NCOA3: variants seen among roughly 807,000 people sequenced by gnomAD.
The protein encoded by NCOA3 is CBP-interacting protein.
A neutral mutation model predicts 158.8 loss-of-function variants in NCOA3; 51 were observed. That is an observed-to-expected ratio of 0.32 (90% CI 0.26 to 0.41). The LOEUF is 0.41. NCOA3 is among the 10% of genes least tolerant of loss of function. The probability of loss-of-function intolerance (pLI) is 1.00; values close to 1 mark genes in which losing one functional copy is unlikely to be tolerated. For synonymous variants in NCOA3, 537 were observed against 592.4 expected (o/e 0.91, Z 1.36); for missense variants, 1,510 against 1,746.6 (o/e 0.86, Z 2.41).
chr20:47,607,377 T>G (rs2085964096), intron 2 of NCOA3, among the ~76,000 whole-genome samples: 1 of 152,188 alleles, frequency 6.6e-6, no homozygotes, highest in South Asian at 2.1e-4. Flanking sequence ...CACTAGAAAC[T>G]TACTAATGGA....
At chr20:47,596,688 C>A (rs935756622) in intron 2 of NCOA3, among the ~76,000 whole-genome samples, 2 of 152,112 alleles carry the variant, frequency 1.3e-5, no homozygotes, top group African/African-American at 4.8e-5. Flanking sequence ...CAGTCTCAAG[C>A]GATACTCCCA....
intron 1 of NCOA3, among the ~76,000 whole-genome samples, chr20:47,554,012 C>T (rs2084964004): frequency 6.6e-6 from 1 of 152,194 alleles, no homozygotes; most frequent in African/African-American, 2.4e-5. Context: ...TACAGTCCCA[C>T]CAACAGTGTA....
intron 1 of NCOA3, among the ~76,000 whole-genome samples, chr20:47,555,632 GTTTTTTTTTTT>G (rs74178745): frequency 7.8e-5 from 5 of 64,184 alleles, no homozygotes; most frequent in Admixed American, 2.2e-4. Context: ...CTATTAAAGT[GTTTTTTTTTTT>G]TTTTTTTTTT....
Position 47,637,768 on chromosome 20 carries a change from G to A in NCOA3, c.2497G>A (p.Gly833Arg), listed in dbSNP as rs1160224291. The A allele has an allele frequency of 1.3e-6, 2 of 1,599,488 alleles. No homozygotes were observed. The highest frequency in any genetic ancestry group is 2.3e-5 in the South Asian group (2 of 87,446). ...HLGTKQQVFQ[G>R]TNSLGLKSSQ... ...GGGGACTAAGCAACAGGTGTTTCAA[G>A]GAACTAATTCTCTGGGTAAGAATGA... The change falls in exon 13 of 23, where the codon GGA becomes AGA. Residue 833 changes from glycine to arginine, a missense_variant. By Grantham distance (125) the Gly-to-Arg change is moderately radical. This residue lies in a region of NCOA3 where 1,017 missense variants were observed against 1,098.3 expected (regional missense o/e 0.93). Coordinates refer to ENST00000371998, the MANE Select transcript of NCOA3 (RefSeq NM_181659.3).
chr20:47,525,765 AC>A (rs1198085572), intron 1 of NCOA3, among the ~76,000 whole-genome samples: 68 of 64,482 alleles, frequency 1.1e-3, no homozygotes, highest in Admixed American at 1.3e-3. Flanking sequence ...CGGGGGGCTG[AC>A]CCCCCCCACC....
At chr20:47,575,858 A>G (rs546722674) in intron 1 of NCOA3, among the ~76,000 whole-genome samples, 3 of 152,358 alleles carry the variant, frequency 2.0e-5, no homozygotes, top group South Asian at 4.1e-4. Context: ...CAGTTAATAC[A>G]GCGATTTCAC....
At position 47,595,299 on chromosome 20, in the gene NCOA3, T is replaced by C. The variant is rs572674924; in HGVS notation, c.-20+12038T>C. Among the ~76,000 whole-genome samples the C allele has an allele frequency of 2.7e-5, 4 of 150,770 alleles. No individual in the cohort carries two copies. The South Asian group carries it at 8.4e-4, about 32-fold the overall frequency. ...TTTTAGTAGAGATGGGGTTTCACCATGTTGGCCAGGCTGGTCTCAAACTTC... is the reference window on the plus strand; with the variant it reads ...TTTTAGTAGAGATGGGGTTTCACCACGTTGGCCAGGCTGGTCTCAAACTTC... On this transcript the variant is annotated intron_variant, in intron 2 of 22. Coordinates refer to ENST00000371998, the MANE Select transcript of NCOA3 (RefSeq NM_181659.3).
In NCOA3 at chr20:47,583,213, G is replaced by A; in HGVS notation, c.-68G>A. 2.5e-6 allele frequency: 1 copy of A among 398,648 alleles called. No individual in the cohort carries two copies. Among genetic ancestry groups the A allele is most frequent in the South Asian group, 1.3e-4 (1 of 7,854 alleles). 24.7% of individuals were successfully genotyped at this position (398,648 alleles called of 1,614,324 possible). ...AAATACTTGCTGGATGGTGGACTCA[G>A]AGACCAATAAAAATAAACTGCTTGA... On this transcript the variant is annotated 5_prime_UTR_variant, in exon 2 of 23. Coordinates refer to ENST00000371998, the MANE Select transcript of NCOA3 (RefSeq NM_181659.3).
chr20:47,635,870 T>A lies in NCOA3; in HGVS notation c.1505-21T>A, dbSNP rs748453687. 12 of 1,571,694 alleles carry A rather than the reference T, an allele frequency of 7.6e-6. No individual in the cohort carries two copies. In the South Asian group the frequency reaches 1.4e-4, roughly 19 times the overall value. Reference sequence around the variant, plus strand: ...GTGTCTGGTAGTCTAATTCTTTTCCTAAATTTTTTTTCAAATTCAGGTGTG... The same window carrying A: ...GTGTCTGGTAGTCTAATTCTTTTCCAAAATTTTTTTTCAAATTCAGGTGTG... On this transcript the variant is annotated intron_variant, in intron 11 of 22. Transcript: ENST00000371998.
intron 2 of NCOA3, among the ~76,000 whole-genome samples, chr20:47,612,885 T>C (rs546015724): frequency 1.3e-5 from 2 of 152,352 alleles, no homozygotes; most frequent in African/African-American, 4.8e-5. Flanking sequence ...GTTGCTCATG[T>C]AGAGGTTGAG....
chr20:47,604,050 C>T (rs2146264803), intron 2 of NCOA3, among the ~76,000 whole-genome samples: 1 of 152,242 alleles, frequency 6.6e-6, no homozygotes, highest in South Asian at 2.1e-4. Flanking sequence ...ACACAAATAT[C>T]TTTTTTTGTA....
At chr20:47,529,243 C>A (rs145217886) in intron 1 of NCOA3, among the ~76,000 whole-genome samples, 1 of 151,472 alleles carries the variant, frequency 6.6e-6, no homozygotes, top group East Asian at 1.9e-4. Flanking sequence ...CTGCTTCAGC[C>A]TCCCAAGTAG....
At position 47,654,784 on chromosome 20, in the gene NCOA3, AAAC is replaced by A. The variant is rs1398165521; in HGVS notation, c.*1368_*1370del. 1 of 152,234 alleles carries A rather than the reference AAAC, an allele frequency of 6.6e-6. No homozygotes were observed. Among genetic ancestry groups the A allele is most frequent in the Non-Finnish European group, 1.5e-5 (1 of 68,044 alleles). 9.4% of individuals were successfully genotyped at this position (152,234 alleles called of 1,614,324 possible). A position where few individuals can be genotyped will look rare whatever the true frequency, so the allele number is the denominator to read the frequency against. On this transcript the variant is annotated 3_prime_UTR_variant, in exon 23 of 23. Transcript: ENST00000371998. ...TTAAAAAAAAATCAGGAATTTAAAA[AAAC>A]GAGCAATTTGAAGAGAATCTTTTGG...
chr20:47,594,731 G>T (rs1423226550), intron 2 of NCOA3, among the ~76,000 whole-genome samples: 1 of 146,072 alleles, frequency 6.8e-6, no homozygotes, highest in African/African-American at 2.5e-5. Context: ...TGCTGGGCAC[G>T]GTGGCTCACG....
intron 1 of NCOA3, among the ~76,000 whole-genome samples, chr20:47,541,721 A>G (rs1250159187): frequency 6.6e-6 from 1 of 151,460 alleles, no homozygotes; most frequent in African/African-American, 2.4e-5. Context: ...CAAATACTAG[A>G]CATTATATAA....
intron 1 of NCOA3, among the ~76,000 whole-genome samples, chr20:47,544,316 C>CT (rs397866275): frequency 0.038 from 3,787 of 99,674 alleles, 167 homozygotes; most frequent in African/African-American, 0.085. Context: ...TTTAATACTA[C>CT]TTTTTTTTTT....
At position 47,636,536 on chromosome 20, in the gene NCOA3, G is replaced by A; in HGVS notation, c.2150G>A (p.Gly717Glu). The A allele has an allele frequency of 6.2e-7, 1 of 1,614,124 alleles. No homozygotes were observed. Among genetic ancestry groups the A allele is most frequent in the African/African-American group, 1.3e-5 (1 of 75,014 alleles). Reference sequence around the variant, plus strand: ...GACACCAGCAGTATAACTTCTTGTGGGGACGGAAATGTTGTCAAGCAGGAG... The same window carrying A: ...GACACCAGCAGTATAACTTCTTGTGAGGACGGAAATGTTGTCAAGCAGGAG... ...GKDTSSITSC[G>E]DGNVVKQEQL... is the part of the protein sequence containing the mutation. The change falls in exon 12 of 23, where the codon GGG becomes GAG. Residue 717 changes from glycine (G) to glutamate (E), a missense_variant. Coordinates refer to ENST00000371998, the MANE Select transcript of NCOA3 (RefSeq NM_181659.3).
intron 2 of NCOA3, among the ~76,000 whole-genome samples, chr20:47,586,983 G>A (rs1186039085): frequency 1.3e-5 from 2 of 152,166 alleles, no homozygotes; most frequent in Non-Finnish European, 2.9e-5. Context: ...CAAGCAATAA[G>A]CAGCTTGTGG....
At position 47,647,105 on chromosome 20, in the gene NCOA3, C is replaced by T. The variant is rs1481749625; in HGVS notation, c.3285C>T (p.Phe1095=). 6.2e-7 allele frequency: 1 copy of T among 1,614,054 alleles called. No homozygotes were observed. The highest frequency in any genetic ancestry group is 1.7e-5 in the Admixed American group (1 of 60,002). ...GQALEPKQDA[F]QGQEAAVMMD... ...CATTAGAGCCCAAACAGGATGCTTT[C>T]CAAGGCCAAGAAGCAGCAGTAATGA... Residue 1095 remains phenylalanine (F), a synonymous_variant, in exon 18 of 23, where the codon TTC becomes TTT. Coordinates refer to ENST00000371998, the MANE Select transcript of NCOA3 (RefSeq NM_181659.3).
Sources: gnomAD v4.1 joint callset for allele counts (sites outside exome capture counted in the v4.1 genomes callset) on GRCh38, gnomAD v4.1.1 for gene constraint, gnomAD v4.1.1 regional missense constraint, MANE v1.5 for transcripts, NCBI Gene and HGNC (gene_info 2026-07-23, HGNC 2026-07-21) for gene names.